SNTG2: variants seen among roughly 807,000 people sequenced by gnomAD.
SNTG2 encodes gamma-2-syntrophin.
A neutral mutation model predicts 70.9 loss-of-function variants in SNTG2; 74 were observed. The observed-to-expected ratio is 1.04, with a 90% CI of 0.86 to 1.27. SNTG2 has a LOEUF of 1.27. Among genes scored for constraint, SNTG2 ranks in the 50% most tolerant of loss-of-function variants. The pLI is 0.00. For missense variants in SNTG2, 717 were observed against 690.7 expected (o/e 1.04, Z -0.43); for synonymous variants, 278 against 273.8 (o/e 1.02, Z -0.15).
intron 11 of SNTG2, among the ~76,000 whole-genome samples, chr2:1,247,107 A>G (rs1355098942): frequency 6.6e-6 from 1 of 152,248 alleles, no homozygotes; most frequent in African/African-American, 2.4e-5. Context: ...GCTCATATAT[A>G]AAACCTGGTT....
At chr2:1,279,721 T>TCTGA (rs1189363017) in intron 14 of SNTG2, among the ~76,000 whole-genome samples, 1 of 152,228 alleles carries the variant, frequency 6.6e-6, no homozygotes, top group Non-Finnish European at 1.5e-5. Context: ...TCTCCAGCGG[T>TCTGA]CAGTCAGGCA....
intron 1 of SNTG2, among the ~76,000 whole-genome samples, chr2:1,081,768 G>A (rs888968451): frequency 1.3e-5 from 2 of 152,228 alleles, no homozygotes; most frequent in African/African-American, 4.8e-5. Flanking sequence ...AGCCCCCTGG[G>A]GTCAGCGAAG....
chr2:1,040,470 C>T (rs1460917084), intron 1 of SNTG2, among the ~76,000 whole-genome samples: 4 of 152,194 alleles, frequency 2.6e-5, no homozygotes, highest in Admixed American at 2.0e-4. Context: ...CCAGCCCCAC[C>T]TTTGCACTGA....
At chr2:1,190,289 T>G (rs1672500501) in intron 8 of SNTG2, among the ~76,000 whole-genome samples, 1 of 151,958 alleles carries the variant, frequency 6.6e-6, no homozygotes, top group South Asian at 2.1e-4. Context: ...TTCTCCCATA[T>G]ACTTTTAATC....
intron 15 of SNTG2, among the ~76,000 whole-genome samples, chr2:1,315,452 T>C (rs1411637183): frequency 1.3e-5 from 2 of 151,984 alleles, no homozygotes; most frequent in East Asian, 3.9e-4. Context: ...TAAAAGCTTT[T>C]AATGGAAATT....
chr2:1,222,028 C>CCTCTCTCTCT (rs1370967183), intron 9 of SNTG2, among the ~76,000 whole-genome samples: 1 of 1,386 alleles, frequency 7.2e-4, no homozygotes, highest in Non-Finnish European at 1.7e-3. Context: ...TCTGTCTCTG[C>CCTCTCTCTCT]CTATCTCTGT....
intron 6 of SNTG2, among the ~76,000 whole-genome samples, chr2:1,157,321 T>G (rs1669966207): frequency 6.6e-6 from 1 of 152,036 alleles, no homozygotes; most frequent in Admixed American, 6.6e-5. Context: ...GCAGCTGAAG[T>G]GCACCCCGGC....
chr2:1,026,813 G>C (rs1463678730), intron 1 of SNTG2, among the ~76,000 whole-genome samples: 1 of 152,060 alleles, frequency 6.6e-6, no homozygotes, highest in African/African-American at 2.4e-5. Flanking sequence ...CCTGCCCTTG[G>C]CCTGCCCTTC....
At chr2:1,194,301 T>C (rs1357196970) in intron 8 of SNTG2, among the ~76,000 whole-genome samples, 1 of 152,228 alleles carries the variant, frequency 6.6e-6, no homozygotes, top group Admixed American at 6.5e-5. Context: ...CGTGTCCTGC[T>C]GGATGCTGGG....
At chr2:1,021,186 T>G (rs1188485422) in intron 1 of SNTG2, among the ~76,000 whole-genome samples, 1 of 152,164 alleles carries the variant, frequency 6.6e-6, no homozygotes, top group Non-Finnish European at 1.5e-5. Flanking sequence ...ATTTTTTGAG[T>G]ATTATTACAT....
At chr2:1,064,490 C>T (rs1487942564) in intron 1 of SNTG2, among the ~76,000 whole-genome samples, 4 of 151,124 alleles carry the variant, frequency 2.6e-5, no homozygotes, top group Admixed American at 2.6e-4. Context: ...TAAAGTACTA[C>T]ATTTGGGGGC....
At chr2:1,202,959 A>G (rs1238759195) in intron 8 of SNTG2, among the ~76,000 whole-genome samples, 1 of 152,190 alleles carries the variant, frequency 6.6e-6, no homozygotes, top group Non-Finnish European at 1.5e-5. Context: ...GAAATCCACA[A>G]TCAAAATGGG....
At chr2:1,248,439 T>C (rs558527638) in intron 12 of SNTG2, among the ~76,000 whole-genome samples, 100 of 152,364 alleles carry the variant, frequency 6.6e-4, no homozygotes, top group African/African-American at 2.3e-3. Context: ...GCACTTTTTC[T>C]GCCCCAGAGA....
intron 9 of SNTG2, among the ~76,000 whole-genome samples, chr2:1,221,155 T>C (rs60581271): frequency 0.21 from 32,652 of 152,214 alleles, 5,342 homozygotes; most frequent in African/African-American, 0.45. Context: ...ACGCTTTCTC[T>C]GGGGCAGTGG....
chr2:1,058,140 TGA>T (rs1233303715), intron 1 of SNTG2, among the ~76,000 whole-genome samples: 2 of 103,420 alleles, frequency 1.9e-5, no homozygotes, highest in East Asian at 8.1e-4. Context: ...CAGTTGTTGC[TGA>T]CTAAGAGATA....
rs1417292471 is a variant in SNTG2, at chr2:1,239,728, C to A, written c.850-10C>A. Reference sequence around the variant, plus strand: ...GCTGTGGCCCTGACTCTTCTGCCTTCTCTCCACAGATGAAGATGGCGAACA... The same window carrying A: ...GCTGTGGCCCTGACTCTTCTGCCTTATCTCCACAGATGAAGATGGCGAACA... On this transcript the variant is annotated splice_polypyrimidine_tract_variant and intron_variant, in intron 10 of 16. Transcript: ENST00000308624. 6.2e-7 allele frequency: 1 copy of A among 1,613,014 alleles called. No homozygotes were observed. The highest frequency in any genetic ancestry group is 8.5e-7 in the Non-Finnish European group (1 of 1,179,636).
At chr2:1,040,145 T>A (rs766761891) in intron 1 of SNTG2, among the ~76,000 whole-genome samples, 1 of 152,190 alleles carries the variant, frequency 6.6e-6, no homozygotes, top group Non-Finnish European at 1.5e-5. Flanking sequence ...CACTTACGCC[T>A]GCATCATTCT....
intron 1 of SNTG2, among the ~76,000 whole-genome samples, chr2:961,053 C>T (rs1383084723): frequency 1.3e-5 from 2 of 152,190 alleles, no homozygotes; most frequent in African/African-American, 4.8e-5. Context: ...CTGATTTTAT[C>T]ACCATTTTCT....
chr2:1,111,010 G>T (rs1258264218), intron 4 of SNTG2, among the ~76,000 whole-genome samples: 1 of 152,170 alleles, frequency 6.6e-6, no homozygotes, highest in East Asian at 1.9e-4. Context: ...TGTGCTTTCT[G>T]TCACAAGCCA....
Sources: gnomAD v4.1 joint callset for allele counts (sites outside exome capture counted in the v4.1 genomes callset) on GRCh38, gnomAD v4.1.1 for gene constraint, MANE v1.5 for transcripts, NCBI Gene and HGNC (gene_info 2026-07-23, HGNC 2026-07-21) for gene names.